Variants in CPB1 observed in about 807,000 individuals in gnomAD.
CPB1 encodes carboxypeptidase B.
A neutral mutation model predicts 51.4 loss-of-function variants in CPB1; 53 were observed. The ratio of observed to expected loss-of-function variants is 1.03; its 90% CI spans 0.83 to 1.30. The LOEUF is 1.30. Among genes scored for constraint, CPB1 ranks in the 50% most tolerant of loss-of-function variants. The probability of loss-of-function intolerance (pLI) is 0.00; values close to 1 mark genes in which losing one functional copy is unlikely to be tolerated. For synonymous variants in CPB1, 189 were observed against 186.9 expected (o/e 1.01, Z -0.09); for missense variants, 494 against 516.2 (o/e 0.96, Z 0.42).
chr3:148,850,691 T>C (rs544959161), intron 9 of CPB1, among the ~76,000 whole-genome samples: 68 of 152,200 alleles, frequency 4.5e-4, no homozygotes, highest in African/African-American at 1.5e-3. Flanking sequence ...AACGTAAAAA[T>C]CAGAGGGAAG....
intron 10 of CPB1, among the ~76,000 whole-genome samples, chr3:148,858,266 G>C (rs532686393): frequency 6.6e-6 from 1 of 152,208 alleles, no homozygotes; most frequent in South Asian, 2.1e-4. Context: ...TGTTGCTGGA[G>C]GAAAATATAA....
chr3:148,832,076 C>G (rs57006157), intron 2 of CPB1, among the ~76,000 whole-genome samples: 11,951 of 152,138 alleles, frequency 0.079, 673 homozygotes, highest in East Asian at 0.28. Flanking sequence ...TTCTCCATGT[C>G]AAACTGAAAT....
intron 5 of CPB1, among the ~76,000 whole-genome samples, chr3:148,841,543 G>A (rs1008087968): frequency 2.6e-5 from 4 of 152,162 alleles, no homozygotes; most frequent in Non-Finnish European, 5.9e-5. Context: ...ACCTCCACAT[G>A]AGTACAATTA....
rs755569626 is a variant in CPB1, at chr3:148,834,484, T to C, written c.148-14T>C. On this transcript the variant is annotated splice_polypyrimidine_tract_variant and intron_variant, in intron 2 of 10. Transcript: ENST00000282957. ...TGAATTATAGGTATCCAATATATCTTGTCCTTTATTCAGATTGACTTCTGG... is the reference window on the plus strand; with the variant it reads ...TGAATTATAGGTATCCAATATATCTCGTCCTTTATTCAGATTGACTTCTGG... 1.2e-6 allele frequency: 2 copies of C among 1,611,710 alleles called. No homozygotes were observed. Among genetic ancestry groups the C allele is most frequent in the Admixed American group, 3.3e-5 (2 of 59,992 alleles).
intron 9 of CPB1, among the ~76,000 whole-genome samples, chr3:148,850,735 G>A (rs1490524259): frequency 6.6e-6 from 1 of 152,142 alleles, no homozygotes; most frequent in Non-Finnish European, 1.5e-5. Context: ...CAGTTGCAGG[G>A]CCATGCACAC....
chr3:148,846,792 C>CAT (rs1713257828), intron 9 of CPB1, among the ~76,000 whole-genome samples: 5 of 68,540 alleles, frequency 7.3e-5, no homozygotes, highest in Admixed American at 2.3e-4. Context: ...TGTGTGTGTG[C>CAT]GTGTGTATAT....
intron 9 of CPB1, chr3:148,857,255 T>C: frequency 2.0e-6 from 1 of 488,200 alleles, no homozygotes; most frequent in Non-Finnish European, 3.7e-6. Flanking sequence ...GGGGAGGGTA[T>C]TAGGGAAGAC....
chr3:148,858,582 AAGAC>A (rs1713658404), intron 10 of CPB1, among the ~76,000 whole-genome samples: 1 of 152,060 alleles, frequency 6.6e-6, no homozygotes, highest in Admixed American at 6.5e-5. Context: ...CAAAAAAAAA[AAGAC>A]AGAGTGTTTT....
In CPB1 at chr3:148,844,461, T is replaced by C. The variant is rs779538001; in HGVS notation, c.577-17T>C. 2.5e-6 allele frequency: 4 copies of C among 1,586,518 alleles called. No individual in the cohort carries two copies. The Admixed American group carries it at 5.0e-5, about 20-fold the overall frequency. On this transcript the variant is annotated splice_polypyrimidine_tract_variant and intron_variant, in intron 6 of 10. Coordinates refer to ENST00000282957, the MANE Select transcript of CPB1 (RefSeq NM_001871.3). ...TTCCATTTTTCCATGAAATTCCTCT[T>C]CATAATTCACATACAGGCTGTTCGT...
At chr3:148,857,327 C>A in intron 9 of CPB1, 130 bp from the exon 10 acceptor site, 1 of 639,632 alleles carries the variant, frequency 1.6e-6, no homozygotes, top group Non-Finnish European at 2.7e-6. Flanking sequence ...GAAAATGGGT[C>A]CTGAATAAGC....
intron 9 of CPB1, among the ~76,000 whole-genome samples, chr3:148,853,683 C>T (rs959760612): frequency 2.0e-5 from 3 of 152,174 alleles, no homozygotes; most frequent in Admixed American, 6.5e-5. Context: ...CTGTTCTTTA[C>T]AATTGGTAAA....
At chr3:148,853,206 T>G (rs996237677) in intron 9 of CPB1, among the ~76,000 whole-genome samples, 1 of 152,176 alleles carries the variant, frequency 6.6e-6, no homozygotes, top group African/African-American at 2.4e-5. Flanking sequence ...TTATACCTTA[T>G]AGTTGGTTTG....
intron 5 of CPB1, 109 bp from the exon 6 acceptor site, chr3:148,841,714 T>C: frequency 2.8e-6 from 2 of 711,622 alleles, no homozygotes; most frequent in East Asian, 2.5e-5. Flanking sequence ...CAGCTCTTGC[T>C]GCTGTCGGGT....
intron 6 of CPB1, among the ~76,000 whole-genome samples, chr3:148,843,547 T>G (rs1713151073): frequency 6.6e-6 from 1 of 152,006 alleles, no homozygotes; most frequent in Admixed American, 6.6e-5. Flanking sequence ...TTTTACTATT[T>G]TTCCAATTTG....
chr3:148,851,089 T>C (rs1411916139), intron 9 of CPB1: 3 of 152,142 alleles, frequency 2.0e-5, no homozygotes, highest in Non-Finnish European at 4.4e-5. Flanking sequence ...ATCCCAGCTC[T>C]TTGGGAGGCC....
In CPB1 at chr3:148,842,874, T is replaced by A. The variant is rs536433282; in HGVS notation, c.576+950T>A. On this transcript the variant is annotated intron_variant, in intron 6 of 10. Transcript: ENST00000282957. ...TATCAATATAACGTAGCTTCAGATA[T>A]GCTGTGAAAAGACATATCACCTTTG... Among the ~76,000 whole-genome samples the A allele has an allele frequency of 8.5e-5, 13 of 152,338 alleles. No homozygotes were observed. In the South Asian group the frequency reaches 2.5e-3, roughly 29 times the overall value.
At chr3:148,836,251 T>C (rs1480223225) in intron 3 of CPB1, among the ~76,000 whole-genome samples, 2 of 152,094 alleles carry the variant, frequency 1.3e-5, no homozygotes, top group African/African-American at 2.4e-5. Context: ...CTGAAGGAAG[T>C]GTCAAAATGT....
rs3043983 is a variant in CPB1 at position 148,847,372 on chromosome 3, T to TAAAAA, written c.981+1766_981+1770dup. Among the ~76,000 whole-genome samples, 12 of 86,682 alleles carry TAAAAA rather than the reference T, an allele frequency of 1.4e-4. No homozygotes were observed. In the East Asian group the frequency reaches 1.8e-3, roughly 13 times the overall value. The allele number at this position is 86,682 out of a possible 152,430, so 56.9% of individuals were successfully genotyped here. The stretch of plus-strand genomic sequence containing the variant: ...ACTCTAAAAGTCTCCAAATCATTCT[T>TAAAAA]AAAAAAAAAAAAAAAAAAAAAAAAG... On this transcript the variant is annotated intron_variant, in intron 9 of 10. Coordinates refer to ENST00000282957, the MANE Select transcript of CPB1 (RefSeq NM_001871.3).
chr3:148,848,342 A>G (rs951533110), intron 9 of CPB1, among the ~76,000 whole-genome samples: 2 of 152,164 alleles, frequency 1.3e-5, no homozygotes, highest in Non-Finnish European at 2.9e-5. Flanking sequence ...TAATTCTTAC[A>G]TAGAGAAATG....
Sources: gnomAD v4.1 joint callset for allele counts (sites outside exome capture counted in the v4.1 genomes callset) on GRCh38, gnomAD v4.1.1 for gene constraint, MANE v1.5 for transcripts, NCBI Gene and HGNC (gene_info 2026-07-23, HGNC 2026-07-21) for gene names.